Variants in BRD4 observed in about 807,000 individuals in gnomAD.
BRD4 encodes bromodomain containing 4.
A neutral mutation model predicts 142.1 loss-of-function variants in BRD4; 16 were observed. The ratio of observed to expected loss-of-function variants is 0.11; its 90% CI spans 0.08 to 0.17. The LOEUF is 0.17. BRD4 is among the 10% of genes least tolerant of loss of function. The probability of loss-of-function intolerance (pLI) is 1.00; values close to 1 mark genes in which losing one functional copy is unlikely to be tolerated. For synonymous variants in BRD4, 833 were observed against 707.5 expected (o/e 1.18, Z -2.82); for missense variants, 1,424 against 1,810.9 (o/e 0.79, Z 3.88).
chr19:15,261,119 C>A (rs1399971770), intron 7 of BRD4, among the ~76,000 whole-genome samples: 3 of 152,140 alleles, frequency 2.0e-5, no homozygotes, highest in Non-Finnish European at 4.4e-5. Context: ...AGAGAGGGAG[C>A]GGTGGAGGAG....
At chr19:15,301,559 T>C (rs1031921421) in intron 1 of BRD4, among the ~76,000 whole-genome samples, 2 of 132,848 alleles carry the variant, frequency 1.5e-5, no homozygotes, top group Non-Finnish European at 3.1e-5. Flanking sequence ...CAAGACTACG[T>C]CTCAAAACAA....
intron 1 of BRD4, among the ~76,000 whole-genome samples, chr19:15,279,407 C>T (rs2047683393): frequency 1.3e-5 from 2 of 152,174 alleles, no homozygotes; most frequent in African/African-American, 4.8e-5. Flanking sequence ...GATGGAGTCC[C>T]TACTTGCAAA....
chr19:15,263,794 G>A (rs1390712468), intron 6 of BRD4, among the ~76,000 whole-genome samples: 1 of 152,176 alleles, frequency 6.6e-6, no homozygotes, highest in Admixed American at 6.5e-5. Flanking sequence ...CACAGGAGGC[G>A]GAGCCTGAGC....
At chr19:15,320,657 A>G (rs1034556062) in intron 1 of BRD4, among the ~76,000 whole-genome samples, 1 of 152,168 alleles carries the variant, frequency 6.6e-6, no homozygotes, top group Non-Finnish European at 1.5e-5. Flanking sequence ...TTTCCCGCCA[A>G]ACTGGATCAT....
chr19:15,332,107 A>T (rs1314728385), intron 1 of BRD4, among the ~76,000 whole-genome samples, 183 bp downstream of exon 1: 1 of 144,728 alleles, frequency 6.9e-6, no homozygotes, highest in African/African-American at 2.5e-5. Context: ...CCCGGAACGA[A>T]CGGCGCGGGA....
chr19:15,284,106 T>C (rs1259998717), intron 1 of BRD4, among the ~76,000 whole-genome samples: 1 of 152,152 alleles, frequency 6.6e-6, no homozygotes. Context: ...TCTTCAATGA[T>C]ATTACCCTGG....
intron 1 of BRD4, among the ~76,000 whole-genome samples, chr19:15,317,623 G>T (rs2048027997): frequency 6.6e-6 from 1 of 151,348 alleles, no homozygotes; most frequent in Non-Finnish European, 1.5e-5. Flanking sequence ...GGCAAGGGGT[G>T]GTGGTGGTGG....
At chr19:15,275,637 G>C (rs1197366133) in intron 1 of BRD4, 2 of 152,214 alleles carry the variant, frequency 1.3e-5, no homozygotes, top group Non-Finnish European at 2.9e-5. Flanking sequence ...GGTATGACAT[G>C]TTCGACACAT....
At chr19:15,290,765 A>G (rs1391191095) in intron 1 of BRD4, among the ~76,000 whole-genome samples, 1 of 152,056 alleles carries the variant, frequency 6.6e-6, no homozygotes, top group Admixed American at 6.5e-5. Context: ...TCTCATACCC[A>G]TATGTACGAA....
chr19:15,238,296 C>T lies in BRD4; in HGVS notation c.*81G>A. Reference sequence around the variant, plus strand: ...CCTGAGGCATCCCCTGGCCGCTGATCCCACCTCCACCACCGCCCCTAACAC... The same window carrying T: ...CCTGAGGCATCCCCTGGCCGCTGATTCCACCTCCACCACCGCCCCTAACAC... On this transcript the variant is annotated 3_prime_UTR_variant, in exon 20 of 20. Coordinates refer to ENST00000679869, the MANE Select transcript of BRD4 (RefSeq NM_001379291.1). This position sits in a 1 kb window ranked among gnomAD's most constrained non-coding sequence, Gnocchi z 7.2. 1.3e-6 allele frequency: 2 copies of T among 1,591,674 alleles called. No individual in the cohort carries two copies. Among genetic ancestry groups the T allele is most frequent in the Non-Finnish European group, 1.7e-6 (2 of 1,167,566 alleles).
At chr19:15,315,514 G>A (rs146462025) in intron 1 of BRD4, among the ~76,000 whole-genome samples, 141 of 152,258 alleles carry the variant, frequency 9.3e-4, no homozygotes, top group African/African-American at 3.1e-3. Context: ...GGGGATTGGG[G>A]GGGGGAAGCA....
intron 1 of BRD4, among the ~76,000 whole-genome samples, chr19:15,308,327 C>T (rs1034039489): frequency 1.4e-5 from 2 of 142,900 alleles, no homozygotes; most frequent in Non-Finnish European, 3.1e-5. Flanking sequence ...GGTGGCTCAC[C>T]CCTGTAATCC....
chr19:15,277,172 A>G (rs2047656407), intron 1 of BRD4, among the ~76,000 whole-genome samples: 1 of 152,256 alleles, frequency 6.6e-6, no homozygotes, highest in South Asian at 2.1e-4. Context: ...GCTGAAGGTC[A>G]AGGAAAAGGA....
chr19:15,278,175 A>C (rs1344987688), intron 1 of BRD4, among the ~76,000 whole-genome samples: 1 of 150,954 alleles, frequency 6.6e-6, no homozygotes, highest in Non-Finnish European at 1.5e-5. Flanking sequence ...GCAGGTAGTG[A>C]CATCCAACCT....
intron 1 of BRD4, among the ~76,000 whole-genome samples, chr19:15,297,903 G>A (rs2047837099): frequency 6.6e-6 from 1 of 152,190 alleles, no homozygotes; most frequent in African/African-American, 2.4e-5. Flanking sequence ...CTGCCTACAT[G>A]TGTGCCCATC....
intron 1 of BRD4, among the ~76,000 whole-genome samples, chr19:15,290,707 C>T (rs1454311621): frequency 6.6e-6 from 1 of 152,126 alleles, no homozygotes; most frequent in African/African-American, 2.4e-5. Context: ...AACATATACA[C>T]CCGCTTCTCA....
chr19:15,286,071 T>G (rs1389468680), intron 1 of BRD4, among the ~76,000 whole-genome samples: 1 of 152,184 alleles, frequency 6.6e-6, no homozygotes, highest in Non-Finnish European at 1.5e-5. Context: ...AGGTGCCCCA[T>G]TACCCTCTCC....
chr19:15,278,947 T>C (rs1374625786), intron 1 of BRD4, among the ~76,000 whole-genome samples: 3 of 152,158 alleles, frequency 2.0e-5, no homozygotes. Flanking sequence ...GTTCCAGCAA[T>C]TCTCCGGCCT....
At chr19:15,281,117 G>A (rs971103525) in intron 1 of BRD4, among the ~76,000 whole-genome samples, 10 of 152,236 alleles carry the variant, frequency 6.6e-5, no homozygotes, top group African/African-American at 1.9e-4. Context: ...AACAGCGCTC[G>A]TGTCATCAGC....
Sources: gnomAD v4.1 joint callset for allele counts (sites outside exome capture counted in the v4.1 genomes callset) on GRCh38, gnomAD v4.1.1 for gene constraint, Gnocchi (gnomAD v3.1) non-coding constraint, MANE v1.5 for transcripts, NCBI Gene and HGNC (gene_info 2026-07-23, HGNC 2026-07-21) for gene names.